Variants in MAP4K5 observed in about 807,000 individuals in gnomAD.
The protein encoded by MAP4K5 is mitogen-activated protein kinase kinase kinase kinase 5.
MAP4K5 carries 82 observed loss-of-function variants against 135.6 expected under a neutral mutation model. The observed-to-expected ratio is 0.60, with a 90% CI of 0.51 to 0.73. The LOEUF is 0.73. Among genes scored for constraint, MAP4K5 ranks in the 30% least tolerant of loss-of-function variants. The probability of loss-of-function intolerance (pLI) is 0.00; values close to 1 mark genes in which losing one functional copy is unlikely to be tolerated. For synonymous variants in MAP4K5, 347 were observed against 335.0 expected, an observed-to-expected ratio of 1.04 and a Z score of -0.39; for missense variants, 907 against 1,010.9, an observed-to-expected ratio of 0.90 and a Z score of 1.39.
intron 2 of MAP4K5, among the ~76,000 whole-genome samples, chr14:50,512,437 G>T (rs2037949308): frequency 6.6e-6 from 1 of 152,058 alleles, no homozygotes; most frequent in African/African-American, 2.4e-5. Flanking sequence ...AAATAAAGAT[G>T]GTGTTTTACA....
chr14:50,466,034 ACTGTACTACAGC>A, intron 11 of MAP4K5, among the ~76,000 whole-genome samples: 1 of 152,100 alleles, frequency 6.6e-6, no homozygotes, highest in Non-Finnish European at 1.5e-5. Context: ...AGATTGCGCC[ACTGTACTACAGC>A]CTGGCAACAG....
chr14:50,507,589 C>T (rs918272515), intron 2 of MAP4K5, among the ~76,000 whole-genome samples: 3 of 152,086 alleles, frequency 2.0e-5, no homozygotes, highest in Non-Finnish European at 2.9e-5. Flanking sequence ...TTATTTCTGC[C>T]TTCATTTCGT....
At chr14:50,492,147 G>C (rs932275725) in intron 3 of MAP4K5, among the ~76,000 whole-genome samples, 1 of 152,014 alleles carries the variant, frequency 6.6e-6, no homozygotes, top group South Asian at 2.1e-4. Context: ...GTGATGCTTC[G>C]AGTTGTATTT....
At chr14:50,535,000 A>G (rs1420229878), upstream of MAP4K5, among the ~76,000 whole-genome samples, 2 of 152,228 alleles carry the variant, frequency 1.3e-5, no homozygotes, top group Non-Finnish European at 2.9e-5. Flanking sequence ...GTTTCTTACA[A>G]ACCACCCAGT....
At chr14:50,423,716 C>T (rs777790708) in intron 31 of MAP4K5, among the ~76,000 whole-genome samples, 7 of 152,156 alleles carry the variant, frequency 4.6e-5, no homozygotes, top group Non-Finnish European at 1.0e-4. Context: ...ATACAGTGAA[C>T]TATGATTGCA....
At chr14:50,456,386 A>G in intron 14 of MAP4K5, 130 bp downstream of exon 14, 2 of 674,384 alleles carry the variant, frequency 3.0e-6, no homozygotes, top group South Asian at 3.6e-5. Context: ...AGCAACCCCT[A>G]TTTTAAAAGT....
intron 13 of MAP4K5, among the ~76,000 whole-genome samples, chr14:50,460,690 T>C (rs780755038): frequency 6.6e-6 from 1 of 152,218 alleles, no homozygotes; most frequent in African/African-American, 2.4e-5. Context: ...TGGGTACTCA[T>C]GACATGACAG....
upstream of MAP4K5, among the ~76,000 whole-genome samples, chr14:50,537,386 G>T (rs2038507634): frequency 1.3e-5 from 2 of 152,204 alleles, no homozygotes; most frequent in South Asian, 4.1e-4. Flanking sequence ...CAGGGGTAGT[G>T]CCCTCACGGA....
chr14:50,525,613 A>C (rs1394124488), intron 2 of MAP4K5, among the ~76,000 whole-genome samples: 1 of 152,150 alleles, frequency 6.6e-6, no homozygotes, highest in Non-Finnish European at 1.5e-5. Context: ...AGGTGGATGG[A>C]TTGCTTGAGC....
chr14:50,520,237 G>A (rs1454453390), intron 2 of MAP4K5, among the ~76,000 whole-genome samples: 4 of 152,070 alleles, frequency 2.6e-5, no homozygotes, highest in Admixed American at 6.5e-5. Context: ...GGTGGCTCAC[G>A]CCTGTAATCC....
At chr14:50,461,684 G>T in intron 13 of MAP4K5, among the ~76,000 whole-genome samples, 1 of 152,106 alleles carries the variant, frequency 6.6e-6, no homozygotes. Flanking sequence ...ACTTTGGGAG[G>T]CTGAGGCAGG....
At chr14:50,469,792 T>C (rs2036915692) in intron 9 of MAP4K5, among the ~76,000 whole-genome samples, 1 of 152,206 alleles carries the variant, frequency 6.6e-6, no homozygotes, top group Admixed American at 6.5e-5. Flanking sequence ...AAAGTATAGA[T>C]GATACTGTTC....
chr14:50,532,111 C>T lies in MAP4K5; in HGVS notation c.-62G>A, dbSNP rs989780279. ...CGGCTCCCGGATTCCCGCTAACAAGCACGAACGGCGCCGCTTCCCAACATG... is the reference window on the plus strand; with the variant it reads ...CGGCTCCCGGATTCCCGCTAACAAGTACGAACGGCGCCGCTTCCCAACATG... On this transcript the variant is annotated 5_prime_UTR_variant, in exon 2 of 33. Transcript: ENST00000682126. 7 of 1,046,218 alleles carry T rather than the reference C, an allele frequency of 6.7e-6. No individual in the cohort carries two copies. In the African/African-American group the frequency reaches 9.5e-5, roughly 14 times the overall value. The allele number at this position is 1,046,218 out of a possible 1,614,324, so 64.8% of individuals were successfully genotyped here. A position where few individuals can be genotyped will look rare whatever the true frequency, so the allele number is the denominator to read the frequency against.
intron 1 of MAP4K5, chr14:50,559,910 A>G (rs1010218479): frequency 5.7e-6 from 2 of 349,540 alleles, no homozygotes; most frequent in Non-Finnish European, 1.1e-5. Flanking sequence ...TAACGCTGTT[A>G]AATTCTTTGA....
At position 50,485,639 on chromosome 14, in the gene MAP4K5, C is replaced by G. The variant is rs182690959; in HGVS notation, c.261G>C (p.Arg87=). 1.3e-6 allele frequency: 2 copies of G among 1,535,072 alleles called. No individual in the cohort carries two copies. The highest frequency in any genetic ancestry group is 1.8e-6 in the Non-Finnish European group (2 of 1,134,580). The change falls in exon 5 of 33, where the codon CGG becomes CGC. Residue 87 remains arginine, a synonymous_variant. Transcript: ENST00000682126. ...ATTCCATACAAATCCATAGTTTTTC[C>G]CGACTAATACAAAAAAAAAAGAAAA... is the stretch of plus-strand genomic sequence containing the variant. The part of the protein sequence containing the change: ...IVAYFGSYLS[R]EKLWICMEYC...
At chr14:50,532,572 T>TCGCCGCCGCCGC (rs531110683), upstream of MAP4K5, 5 of 150,260 alleles carry the variant, frequency 3.3e-5, no homozygotes, top group East Asian at 2.0e-4. Flanking sequence ...GCGCGTACAG[T>TCGCCGCCGCCGC]CGCCGCCGCC....
At chr14:50,434,312 T>G (rs2036040163) in intron 28 of MAP4K5, 82 bp downstream of exon 28, 1 of 1,060,292 alleles carries the variant, frequency 9.4e-7, no homozygotes, top group South Asian at 1.6e-5. Context: ...CACACTGGTG[T>G]TTTGCTTCTT....
In MAP4K5 at chr14:50,478,994, T is replaced by C. The variant is rs2037170581; in HGVS notation, c.379-2688A>G. 1.8e-4 allele frequency among the ~76,000 whole-genome samples: 3 copies of C among 16,262 alleles called. No individual in the cohort carries two copies. In the South Asian group the frequency reaches 9.9e-3, roughly 54 times the overall value. 10.7% of individuals were successfully genotyped at this position (16,262 alleles called of 152,430 possible). ...GCAATTTGATTCATGTGTCTTAGTG[T>C]AGTTTTTTTCGTTTTTTTTTTTTTT... On this transcript the variant is annotated intron_variant, in intron 6 of 32. Transcript: ENST00000682126.
In MAP4K5 at chr14:50,459,162, T is replaced by C. The variant is rs573637249; in HGVS notation, c.937-2568A>G. On this transcript the variant is annotated intron_variant, in intron 13 of 32. Transcript: ENST00000682126. ...CTTTTCTCTCCAAGCTACAATGACA[T>C]ATCTAGCTCCTTACTAGACTTTTCC... is the stretch of plus-strand genomic sequence containing the variant. 2.0e-5 allele frequency among the ~76,000 whole-genome samples: 3 copies of C among 152,320 alleles called. No individual in the cohort carries two copies. The South Asian group carries it at 6.2e-4, about 32-fold the overall frequency.
Sources: gnomAD v4.1 joint callset for allele counts (sites outside exome capture counted in the v4.1 genomes callset) on GRCh38, gnomAD v4.1.1 for gene constraint, MANE v1.5 for transcripts, NCBI Gene and HGNC (gene_info 2026-07-23, HGNC 2026-07-21) for gene names.